The following ABCC2 variants were observed in gnomAD, a reference collection of about 807,000 sequenced individuals.
ABCC2 encodes ATP binding cassette subfamily C member 2.
ABCC2 carries 157 observed loss-of-function variants against 173.4 expected under a neutral mutation model. The observed-to-expected ratio is 0.91, with a 90% CI of 0.80 to 1.03. The LOEUF (loss-of-function observed/expected upper bound fraction) is 1.03, where lower values mean the gene tolerates loss of function less well. ABCC2 is among the 50% of genes least tolerant of loss of function. The pLI is 0.00. For synonymous variants in ABCC2, 657 were observed against 693.5 expected, an observed-to-expected ratio of 0.95 and a Z score of 0.83; for missense variants, 1,822 against 1,852.3, an observed-to-expected ratio of 0.98 and a Z score of 0.30.
rs2038475265 is a variant in ABCC2 at position 99,818,941 on chromosome 10, G to C, written c.2423G>C (p.Gly808Ala). The part of the protein sequence containing the change: ...HIFNKVLGPN[G>A]LLKGKTRLLV... ...TTTAATAAGGTCTTGGGCCCCAATG[G>C]CCTGTTGAAAGGCAAGGTGAGAAAT... Residue 808 changes from glycine to alanine, a missense_variant, in exon 18 of 32, where the codon GGC (glycine) becomes GCC (alanine). Transcript: ENST00000647814. 1.2e-6 allele frequency: 2 copies of C among 1,614,114 alleles called. No individual in the cohort carries two copies. Among genetic ancestry groups the C allele is most frequent in the Non-Finnish European group, 8.5e-7 (1 of 1,180,012 alleles).
In ABCC2 at chr10:99,834,427, G is replaced by A; in HGVS notation, c.3306G>A (p.Trp1102Ter). ...DDTLPQSLRS[W>*]ITCFLGIIST... ...CCCTGCCTCAGTCCTTGCGCAGCTG[G>A]ATTACATGCTTCCTGGGGATAATCA... is the stretch of plus-strand genomic sequence containing the variant. The change falls in exon 24 of 32, where the codon TGG (tryptophan) becomes TGA (stop). Residue 1102 changes from tryptophan (W) to a stop codon, truncating the protein, a stop_gained. Transcript: ENST00000647814. LOFTEE classifies it high-confidence loss of function. 6.2e-7 allele frequency: 1 copy of A among 1,614,132 alleles called. No homozygotes were observed. The highest frequency in any genetic ancestry group is 1.3e-5 in the African/African-American group (1 of 75,026).
At chr10:99,850,467 G>A in intron 30 of ABCC2, 135 bp from the exon 31 acceptor site, 1 of 848,876 alleles carries the variant, frequency 1.2e-6, no homozygotes, top group Non-Finnish European at 1.9e-6. Context: ...GCTAGTTGAA[G>A]AGGCCCAAAC....
At position 99,804,222 on chromosome 10, in the gene ABCC2, G is replaced by A. The variant is rs769416703; in HGVS notation, c.1413G>A (p.Val471=). The A allele has an allele frequency of 1.2e-6, 2 of 1,614,126 alleles. No homozygotes were observed. The highest frequency in any genetic ancestry group is 2.2e-5 in the East Asian group (1 of 44,880). ...TCTTAGCAGGTGTTGGGGTGATGGT[G>A]CTTGTAATCCCAATTAATGCGATAC... ...PSVLAGVGVM[V]LVIPINAILS... Residue 471 remains valine, a synonymous_variant, in exon 10 of 32, where the codon GTG becomes GTA. Coordinates refer to ENST00000647814, the MANE Select transcript of ABCC2 (RefSeq NM_000392.5).
chr10:99,835,973 G>A, intron 24 of ABCC2, 118 bp from the exon 25 acceptor site: 1 of 1,009,088 alleles, frequency 9.9e-7, no homozygotes, highest in Admixed American at 1.9e-5. Flanking sequence ...CTTTTGTCTT[G>A]TTCAGACGTA....
chr10:99,820,520 G>A (rs2133084836), intron 19 of ABCC2, among the ~76,000 whole-genome samples: 1 of 152,280 alleles, frequency 6.6e-6, no homozygotes, highest in East Asian at 1.9e-4. Context: ...GCCCTTTGGA[G>A]GCCAAGGCGG....
Position 99,804,214 on chromosome 10 carries a change from G to T in ABCC2, c.1405G>T (p.Val469Leu), listed in dbSNP as rs140048023. Residue 469 changes from valine (V) to leucine (L), a missense_variant, in exon 10 of 32, where the codon GTG (valine) becomes TTG (leucine). Transcript: ENST00000647814. ...ACCCTCAGTCTTAGCAGGTGTTGGGGTGATGGTGCTTGTAATCCCAATTAA... is the reference window on the plus strand; with the variant it reads ...ACCCTCAGTCTTAGCAGGTGTTGGGTTGATGGTGCTTGTAATCCCAATTAA... ...LGPSVLAGVG[V>L]MVLVIPINAI... 1.6e-5 allele frequency: 26 copies of T among 1,614,136 alleles called. No homozygotes were observed. Among genetic ancestry groups the T allele is most frequent in the East Asian group, 4.5e-5 (2 of 44,876 alleles).
intron 19 of ABCC2, among the ~76,000 whole-genome samples, chr10:99,819,476 C>T (rs112104277): frequency 5.9e-5 from 9 of 152,268 alleles, no homozygotes; most frequent in African/African-American, 1.9e-4. Context: ...GGTGACTTAT[C>T]CTGCTCATCT....
intron 19 of ABCC2, among the ~76,000 whole-genome samples, chr10:99,828,784 G>A (rs192104987): frequency 6.6e-6 from 1 of 152,094 alleles, no homozygotes; most frequent in Admixed American, 6.6e-5. Context: ...GTTGTGGGTG[G>A]TGGGGAGCAT....
chr10:99,819,239 A>G lies in ABCC2; in HGVS notation c.2590A>G (p.Arg864Gly). The change falls in exon 19 of 32, where the codon AGA becomes GGA. Residue 864 changes from arginine (R) to glycine (G), a missense_variant. By Grantham distance (125) the Arg-to-Gly change is moderately radical. Transcript: ENST00000647814. Reference protein sequence around the residue: ...EFAKNLKTFLRHTGPEEEATV... With the variant: ...EFAKNLKTFLGHTGPEEEATV... ...TGCTAAGAATCTGAAGACATTTCTA[A>G]GACATACAGGCCCTGAAGAGGAAGC... 6.2e-7 allele frequency: 1 copy of G among 1,614,030 alleles called. No individual in the cohort carries two copies. The highest frequency in any genetic ancestry group is 1.7e-5 in the Admixed American group (1 of 60,024).
At chr10:99,802,668 G>C (rs1280445442) in intron 9 of ABCC2, among the ~76,000 whole-genome samples, 1 of 152,178 alleles carries the variant, frequency 6.6e-6, no homozygotes, top group African/African-American at 2.4e-5. Flanking sequence ...TGACAGTAAT[G>C]CTTCTAGGAG....
Position 99,832,021 on chromosome 10 carries a change from G to A in ABCC2, c.3148G>A (p.Val1050Ile), listed in dbSNP as rs777490403. Residue 1050 changes from valine (V) to isoleucine (I), a missense_variant, in exon 23 of 32, where the codon GTC (valine) becomes ATC (isoleucine). Transcript: ENST00000647814. Reference protein sequence around the residue: ...IAHFWSAFGFVHASNILHKQL... With the variant: ...IAHFWSAFGFIHASNILHKQL... ...ACATTTCTGGAGTGCCTTTGGTTTCGTCCATGCATCAAATATCTTGCACAA... is the reference window on the plus strand; with the variant it reads ...ACATTTCTGGAGTGCCTTTGGTTTCATCCATGCATCAAATATCTTGCACAA... The A allele has an allele frequency of 7.3e-5, 118 of 1,614,046 alleles. No individual in the cohort carries two copies. Among genetic ancestry groups the A allele is most frequent in the Non-Finnish European group, 8.3e-5 (98 of 1,180,040 alleles).
rs1564684561 is a variant in ABCC2 at position 99,814,337 on chromosome 10, G to GTATATATACACACGTATGTATACACACA, written c.2094+1195_2094+1222dup. Reference sequence around the variant, plus strand: ...TATACACACGTATGTATACACACATGTATATATACACACGTATGTATACAC... The same window carrying GTATATATACACACGTATGTATACACACA: ...TATACACACGTATGTATACACACATGTATATATACACACGTATGTATACACACATATATATACACACGTATGTATACAC... On this transcript the variant is annotated intron_variant, in intron 16 of 31. Coordinates refer to ENST00000647814, the MANE Select transcript of ABCC2 (RefSeq NM_000392.5). 1.6e-3 allele frequency among the ~76,000 whole-genome samples: 211 copies of GTATATATACACACGTATGTATACACACA among 133,870 alleles called. 3 individuals carry two copies. Among genetic ancestry groups the GTATATATACACACGTATGTATACACACA allele is most frequent in the African/African-American group, 5.9e-3 (196 of 32,972 alleles). 87.8% of individuals were successfully genotyped at this position (133,870 alleles called of 152,430 possible).
chr10:99,843,012 C>T (rs895475436), intron 26 of ABCC2, among the ~76,000 whole-genome samples: 2 of 150,626 alleles, frequency 1.3e-5, no homozygotes, highest in African/African-American at 4.9e-5. Context: ...AAGATCGTGC[C>T]ATTGCACTCC....
chr10:99,800,820 C>T (rs958001664), intron 9 of ABCC2, among the ~76,000 whole-genome samples: 2 of 152,208 alleles, frequency 1.3e-5, no homozygotes, highest in Non-Finnish European at 2.9e-5. Context: ...GCTCAGGATC[C>T]ACCTTGCAGC....
At chr10:99,804,604 C>T (rs114338747) in intron 10 of ABCC2, among the ~76,000 whole-genome samples, 1,717 of 152,156 alleles carry the variant, frequency 0.011, 31 homozygotes, top group Middle Eastern at 0.041. Flanking sequence ...TCCATTATGG[C>T]AATCTAAACC....
chr10:99,782,890 A>C lies in ABCC2; in HGVS notation c.33+13A>C. On this transcript the variant is annotated intron_variant, in intron 1 of 31. Coordinates refer to ENST00000647814, the MANE Select transcript of ABCC2 (RefSeq NM_000392.5). The stretch of plus-strand genomic sequence containing the variant: ...CTCTACTTTTTGGGTGAGAAATTAC[A>C]TTTATCTTCATATTGACTCTTCTCA... 6.2e-7 allele frequency: 1 copy of C among 1,613,642 alleles called. No individual in the cohort carries two copies. Among genetic ancestry groups the C allele is most frequent in the Non-Finnish European group, 8.5e-7 (1 of 1,179,794 alleles).
chr10:99,824,304 A>C (rs1253910983), intron 19 of ABCC2, among the ~76,000 whole-genome samples: 2 of 140,786 alleles, frequency 1.4e-5, no homozygotes, highest in Non-Finnish European at 3.1e-5. Context: ...TTGTGGCTTA[A>C]TTTTTCTATT....
intron 13 of ABCC2, 35 bp from the exon 14 acceptor site, chr10:99,810,099 C>A: frequency 6.3e-7 from 1 of 1,588,668 alleles, no homozygotes; most frequent in Non-Finnish European, 8.6e-7. Context: ...TCGTTACTGA[C>A]TTTAATTCTT....
intron 25 of ABCC2, among the ~76,000 whole-genome samples, chr10:99,837,460 C>CT (rs1233997069): frequency 0.019 from 108 of 5,700 alleles, 1 homozygote; most frequent in African/African-American, 0.06. Flanking sequence ...TCTTTTTTTT[C>CT]TTTTTTTTTT....
Sources: gnomAD v4.1 joint callset for allele counts (sites outside exome capture counted in the v4.1 genomes callset) on GRCh38, gnomAD v4.1.1 for gene constraint, MANE v1.5 for transcripts, NCBI Gene and HGNC (gene_info 2026-07-23, HGNC 2026-07-21) for gene names.